Variants in CCDC187 observed in about 807,000 individuals in gnomAD.
CCDC187 encodes the protein coiled-coil domain containing 187, also known as coiled-coil domain-containing protein 187.
In CCDC187, 32 loss-of-function variants were observed where a neutral mutation model predicts 38.0. The ratio of observed to expected loss-of-function variants is 0.84; its 90% CI spans 0.64 to 1.13. CCDC187 has a LOEUF of 1.13. Among genes scored for constraint, CCDC187 ranks in the 50% most tolerant of loss-of-function variants. CCDC187 has a pLI of 0.00. For synonymous variants in CCDC187, 333 were observed against 347.9 expected, an observed-to-expected ratio of 0.96 and a Z score of 0.48; for missense variants, 707 against 786.8, an observed-to-expected ratio of 0.90 and a Z score of 1.21.
rs1363597322 is a variant in CCDC187, at chr9:136,253,234, C to G, written c.*360G>C. On this transcript the variant is annotated 3_prime_UTR_variant, in exon 26 of 26. Coordinates refer to ENST00000638797, the MANE Select transcript of CCDC187 (RefSeq NM_001378188.1). ...CTCTGCATGCCCAGAGCTCTGCGCT[C>G]CTTCCCAGGGCTCTCCCCGACTGCC... 1 of 152,790 alleles carries G rather than the reference C, an allele frequency of 6.5e-6. No individual in the cohort carries two copies. Among genetic ancestry groups the G allele is most frequent in the African/African-American group, 2.4e-5 (1 of 41,432 alleles). 9.5% of individuals were successfully genotyped at this position (152,790 alleles called of 1,614,324 possible).
intron 7 of CCDC187, among the ~76,000 whole-genome samples, chr9:136,288,919 G>A (rs1322095933): frequency 2.0e-5 from 3 of 152,236 alleles, no homozygotes; most frequent in Non-Finnish European, 4.4e-5. Context: ...AGGTGCACGT[G>A]CCCATGCAAT....
rs1830707189 is a variant in CCDC187 at position 136,263,683 on chromosome 9, A to T, written c.3851T>A (p.Ile1284Asn). The T allele has an allele frequency of 1.0e-6, 1 of 985,366 alleles. No homozygotes were observed. The highest frequency in any genetic ancestry group is 5.2e-4 in the Middle Eastern group (1 of 1,914). The allele number at this position is 985,366 out of a possible 1,614,324, so 61.0% of individuals were successfully genotyped here. A position where few individuals can be genotyped will look rare whatever the true frequency, so the allele number is the denominator to read the frequency against. The change falls in exon 18 of 26, where the codon ATC becomes AAC. Residue 1284 changes from isoleucine to asparagine, a missense_variant. By Grantham distance (149) the Ile-to-Asn change is moderately radical. Transcript: ENST00000638797. The stretch of plus-strand genomic sequence containing the variant: ...TGGGACGACGTCCGTGGGCCCCGGG[A>T]TGGGGAGGATGTCCACAGGCCCCGG... The part of the protein sequence containing the change: ...SMPGPVDILP[I>N]PGPTDVVPAH...
chr9:136,263,965 C>A, intron 17 of CCDC187, 167 bp from the exon 18 acceptor site: 1 of 317,018 alleles, frequency 3.2e-6, no homozygotes, highest in East Asian at 1.7e-4. Flanking sequence ...CCTAGGATAC[C>A]CCCATGGCCT....
chr9:136,304,917 T>C (rs1455849787), upstream of CCDC187, among the ~76,000 whole-genome samples: 1 of 152,160 alleles, frequency 6.6e-6, no homozygotes, highest in African/African-American at 2.4e-5. Flanking sequence ...GCACGAAGGA[T>C]GGAGGGCCCT....
chr9:136,273,033 G>A (rs181174318), intron 14 of CCDC187, among the ~76,000 whole-genome samples: 12 of 152,280 alleles, frequency 7.9e-5, no homozygotes, highest in African/African-American at 2.6e-4. Flanking sequence ...TAGCTCCTGA[G>A]CCAACAATGG....
intron 14 of CCDC187, among the ~76,000 whole-genome samples, chr9:136,271,407 G>T (rs1830837538): frequency 6.6e-6 from 1 of 151,958 alleles, no homozygotes; most frequent in African/African-American, 2.4e-5. Context: ...TGTAATCCCA[G>T]CTACTTGGGA....
At position 136,290,723 on chromosome 9, in the gene CCDC187, C is replaced by G. The variant is rs1831303890; in HGVS notation, c.1890G>C (p.Leu630=). 2.5e-6 allele frequency: 1 copy of G among 398,358 alleles called. No homozygotes were observed. The highest frequency in any genetic ancestry group is 4.4e-6 in the Non-Finnish European group (1 of 225,942). The allele number at this position is 398,358 out of a possible 1,614,324, so 24.7% of individuals were successfully genotyped here. Residue 630 remains leucine (L), a synonymous_variant, in exon 6 of 26, where the codon CTG becomes CTC. Transcript: ENST00000638797. ...AGGACTCAGAGCTGTGCGAGGGTCC[C>G]AGGAGCCCCCGGGACCTGGGGCAGG... The part of the protein sequence containing the change: ...LRPCPRSRGL[L]GPSHSSESLR...
intron 4 of CCDC187, among the ~76,000 whole-genome samples, chr9:136,293,952 G>C: frequency 6.9e-6 from 1 of 145,086 alleles, no homozygotes; most frequent in Admixed American, 6.9e-5. Context: ...ACACACACAT[G>C]CTCATATACA....
At chr9:136,306,239 C>G (rs1831802646), upstream of CCDC187, among the ~76,000 whole-genome samples, 2 of 152,218 alleles carry the variant, frequency 1.3e-5, no homozygotes, top group African/African-American at 4.8e-5. Context: ...CATCCCCACC[C>G]TACTCCGGGC....
chr9:136,268,948 CAG>C (rs1485513162), intron 14 of CCDC187, among the ~76,000 whole-genome samples: 2 of 152,108 alleles, frequency 1.3e-5, no homozygotes, highest in Non-Finnish European at 2.9e-5. Flanking sequence ...GAGGAGACAG[CAG>C]AGAGTCTGGG....
rs1344316005 is a variant in CCDC187, at chr9:136,300,980, A to G, written c.626-662T>C. Among the ~76,000 whole-genome samples the G allele has an allele frequency of 4.6e-5, 7 of 152,338 alleles. No individual in the cohort carries two copies. The South Asian group carries it at 8.3e-4, about 18-fold the overall frequency. On this transcript the variant is annotated intron_variant, in intron 2 of 25. Coordinates refer to ENST00000638797, the MANE Select transcript of CCDC187 (RefSeq NM_001378188.1). Reference sequence around the variant, plus strand: ...CAGTGGGGCCATCAGGAGCTGCACCAGCGCTTGGCACGACGCAGGCATCTC... The same window carrying G: ...CAGTGGGGCCATCAGGAGCTGCACCGGCGCTTGGCACGACGCAGGCATCTC...
At chr9:136,304,386 A>G (rs960110275), upstream of CCDC187, among the ~76,000 whole-genome samples, 10 of 152,190 alleles carry the variant, frequency 6.6e-5, no homozygotes, top group African/African-American at 2.4e-4. Flanking sequence ...TGTGGGGCCC[A>G]GCCCAGACAT....
intron 16 of CCDC187, 105 bp downstream of exon 16, chr9:136,267,279 G>GCGGGACCCGGA: frequency 1.2e-6 from 1 of 820,088 alleles, no homozygotes; most frequent in Non-Finnish European, 1.5e-6. Flanking sequence ...GGGGCCACGG[G>GCGGGACCCGGA]CGGGACCCGG....
rs1366692671 is a variant in CCDC187, at chr9:136,297,807, G to C, written c.739C>G (p.Pro247Ala). The C allele has an allele frequency of 6.1e-6, 1 of 163,396 alleles. No individual in the cohort carries two copies. The highest frequency in any genetic ancestry group is 1.3e-5 in the Non-Finnish European group (1 of 77,158). The allele number at this position is 163,396 out of a possible 1,614,324, so 10.1% of individuals were successfully genotyped here. A position where few individuals can be genotyped will look rare whatever the true frequency, so the allele number is the denominator to read the frequency against. ...QHQVPVLREK[P>A]KRVKSSSCKR... ...CAAGAACTGCTTTTGACCCTTTTGG[G>C]TTTTTCCCTCAGAACTTCAGTGAGG... The change falls in exon 4 of 26, where the codon CCC becomes GCC. Residue 247 changes from proline (P) to alanine (A), a missense_variant. Physicochemically the swap from Pro to Ala is conservative, Grantham distance 27. Transcript: ENST00000638797.
intron 9 of CCDC187, among the ~76,000 whole-genome samples, chr9:136,282,822 G>A (rs1036561115): frequency 6.6e-6 from 1 of 152,252 alleles, no homozygotes; most frequent in Non-Finnish European, 1.5e-5. Context: ...GGCCGTGAGG[G>A]GCTGCATGGC....
chr9:136,278,082 G>C (rs1830967868), intron 10 of CCDC187, among the ~76,000 whole-genome samples: 1 of 152,248 alleles, frequency 6.6e-6, no homozygotes, highest in Admixed American at 6.5e-5. Context: ...AACTGGTGAT[G>C]ATGGGAAGTG....
chr9:136,299,742 T>C (rs1444552382), intron 3 of CCDC187, among the ~76,000 whole-genome samples: 1 of 152,170 alleles, frequency 6.6e-6, no homozygotes, highest in Non-Finnish European at 1.5e-5. Context: ...CCCCAGCCCC[T>C]TCCTCACGGG....
Position 136,255,843 on chromosome 9 carries a change from A to T in CCDC187, c.4617-110T>A. On this transcript the variant is annotated intron_variant, in intron 24 of 25. Coordinates refer to ENST00000638797, the MANE Select transcript of CCDC187 (RefSeq NM_001378188.1). ...GGCTCAGTCCACAGCTCACACTCGA[A>T]AAACATCCCAGCCAGTCCTCTGCCA... 8.8e-6 allele frequency: 4 copies of T among 453,922 alleles called. No individual in the cohort carries two copies. The South Asian group carries it at 2.7e-4, about 31-fold the overall frequency. 28.1% of individuals were successfully genotyped at this position (453,922 alleles called of 1,614,324 possible).
Position 136,258,802 on chromosome 9 carries a change from C to T in CCDC187, c.4366+130G>A. 4.1e-6 allele frequency: 4 copies of T among 985,494 alleles called. No homozygotes were observed. Among genetic ancestry groups the T allele is most frequent in the Non-Finnish European group, 4.8e-6 (4 of 829,968 alleles). 61.0% of individuals were successfully genotyped at this position (985,494 alleles called of 1,614,324 possible). On this transcript the variant is annotated intron_variant, in intron 22 of 25. Transcript: ENST00000638797. The surrounding 1 kb of genome is among the most constrained non-coding windows in gnomAD (Gnocchi z 4.3). ...GGGGTCTGAGGCCAGGGTGGGGGGC[C>T]ACCAGGGCCCATCTTCTTTGCTTTC...
Sources: gnomAD v4.1 joint callset for allele counts (sites outside exome capture counted in the v4.1 genomes callset) on GRCh38, gnomAD v4.1.1 for gene constraint, Gnocchi (gnomAD v3.1) non-coding constraint, MANE v1.5 for transcripts, NCBI Gene and HGNC (gene_info 2026-07-23, HGNC 2026-07-21) for gene names.